The following BAZ2B variants were observed in gnomAD, a reference collection of about 807,000 sequenced individuals.
The protein encoded by BAZ2B is bromodomain adjacent to zinc finger domain 2B.
In BAZ2B, 91 loss-of-function variants were observed where a neutral mutation model predicts 246.0. The observed-to-expected ratio is 0.37, with a 90% confidence interval of 0.31 to 0.44. The LOEUF is 0.44. BAZ2B is among the 20% of genes least tolerant of loss of function. BAZ2B has a pLI of 1.00. For missense variants in BAZ2B, 2,332 were observed against 2,533.7 expected (o/e 0.92, Z 1.71); for synonymous variants, 855 against 860.0 (o/e 0.99, Z 0.10).
At chr2:159,695,652 A>C in the BAZ2B span, among the ~76,000 whole-genome samples, 1 of 152,184 alleles carries the variant, frequency 6.6e-6, no homozygotes, top group African/African-American at 2.4e-5. Context: ...TCCCCCATTG[A>C]ATTACCTTGG....
intron 27 of BAZ2B, among the ~76,000 whole-genome samples, chr2:159,351,800 A>G (rs1026510929): frequency 1.3e-5 from 2 of 152,230 alleles, no homozygotes; most frequent in African/African-American, 2.4e-5. Flanking sequence ...CTATTTTAAA[A>G]ACATAAATCC....
At chr2:159,526,118 C>T (rs150693656) in intron 2 of BAZ2B, among the ~76,000 whole-genome samples, 1 of 151,900 alleles carries the variant, frequency 6.6e-6, no homozygotes, top group East Asian at 1.9e-4. Flanking sequence ...TTTTTTACTT[C>T]CTAGCTGGTT....
At chr2:159,397,195 A>G in intron 19 of BAZ2B, 150 bp downstream of exon 19, 4 of 1,308,282 alleles carry the variant, frequency 3.1e-6, no homozygotes, top group Non-Finnish European at 4.2e-6. Context: ...ATACCAAAGC[A>G]AGGCAATAAA....
At chr2:159,401,139 T>C (rs1304830704) in intron 16 of BAZ2B, among the ~76,000 whole-genome samples, 1 of 152,206 alleles carries the variant, frequency 6.6e-6, no homozygotes, top group Non-Finnish European at 1.5e-5. Context: ...CTGAAATTAA[T>C]ATGATTTGAT....
intron 9 of BAZ2B, among the ~76,000 whole-genome samples, chr2:159,432,066 T>G (rs2071225428): frequency 6.6e-6 from 1 of 152,174 alleles, no homozygotes; most frequent in Non-Finnish European, 1.5e-5. Context: ...TGAGTATATT[T>G]TCCTATTCAT....
intron 1 of BAZ2B, among the ~76,000 whole-genome samples, 176 bp from the exon 2 acceptor site, chr2:159,556,041 A>G (rs778426153): frequency 6.6e-6 from 1 of 152,168 alleles, no homozygotes; most frequent in Non-Finnish European, 1.5e-5. Flanking sequence ...AAAGGACTGG[A>G]GTTTATTTAT....
intron 2 of BAZ2B, among the ~76,000 whole-genome samples, chr2:159,528,469 G>T (rs1169075672): frequency 1.3e-5 from 2 of 152,090 alleles, no homozygotes; most frequent in African/African-American, 2.4e-5. Flanking sequence ...GATCACCTGA[G>T]GTCAAGAGTT....
At chr2:159,677,241 T>A in the BAZ2B span, among the ~76,000 whole-genome samples, 7 of 151,696 alleles carry the variant, frequency 4.6e-5, no homozygotes, top group Non-Finnish European at 1.0e-4. Flanking sequence ...ATTTTAAAGA[T>A]AAGAAAGAGG....
intron 3 of BAZ2B, among the ~76,000 whole-genome samples, chr2:159,466,676 C>T (rs535412856): frequency 6.2e-4 from 94 of 152,192 alleles, no homozygotes; most frequent in South Asian, 1.0e-3. Flanking sequence ...TATAAGGAAT[C>T]GAGATTATGG....
chr2:159,647,929 C>G, the BAZ2B span, among the ~76,000 whole-genome samples: 2 of 152,146 alleles, frequency 1.3e-5, no homozygotes, highest in South Asian at 4.2e-4. Context: ...AGTATGCTGA[C>G]TGAAATTTTT....
intron 27 of BAZ2B, among the ~76,000 whole-genome samples, chr2:159,366,257 A>G (rs2060206671): frequency 6.6e-6 from 1 of 152,204 alleles, no homozygotes; most frequent in South Asian, 2.1e-4. Context: ...TCCACTTCAG[A>G]CCTGCAGTTG....
At chr2:159,582,500 C>T (rs7592942) in intron 1 of BAZ2B, among the ~76,000 whole-genome samples, 134 of 152,102 alleles carry the variant, frequency 8.8e-4, no homozygotes, top group Non-Finnish European at 1.4e-3. Flanking sequence ...GGTTCAAGCT[C>T]AGCCTCCGGA....
At chr2:159,487,340 T>C (rs1169068196) in intron 2 of BAZ2B, among the ~76,000 whole-genome samples, 1 of 152,190 alleles carries the variant, frequency 6.6e-6, no homozygotes, top group Non-Finnish European at 1.5e-5. Flanking sequence ...TGTGATTCTA[T>C]GTGAGATTTT....
intron 1 of BAZ2B, among the ~76,000 whole-genome samples, chr2:159,613,644 G>A (rs1695198986): frequency 6.6e-6 from 1 of 152,112 alleles, no homozygotes; most frequent in Non-Finnish European, 1.5e-5. Flanking sequence ...TACAATAGGT[G>A]TGAGACATCA....
At chr2:159,470,593 G>A (rs2077659688) in intron 3 of BAZ2B, among the ~76,000 whole-genome samples, 1 of 152,242 alleles carries the variant, frequency 6.6e-6, no homozygotes, top group African/African-American at 2.4e-5. Flanking sequence ...CAATGATATA[G>A]ACGAGAGATT....
intron 2 of BAZ2B, among the ~76,000 whole-genome samples, chr2:159,530,725 T>G (rs1375436447): frequency 6.6e-6 from 1 of 152,136 alleles, no homozygotes; most frequent in East Asian, 1.9e-4. Flanking sequence ...ATCCTAGCAC[T>G]TTGGGAGGCC....
intron 34 of BAZ2B, among the ~76,000 whole-genome samples, chr2:159,327,838 G>A (rs936243669): frequency 3.3e-5 from 5 of 152,164 alleles, no homozygotes; most frequent in Non-Finnish European, 7.4e-5. Flanking sequence ...CCCAATGGGG[G>A]CGGATCGCCT....
rs745580165 is a variant in BAZ2B at position 159,398,852 on chromosome 2, A to G, written c.2941T>C (p.Leu981=). The G allele has an allele frequency of 6.2e-7, 1 of 1,611,144 alleles. No individual in the cohort carries two copies. The highest frequency in any genetic ancestry group is 8.5e-7 in the Non-Finnish European group (1 of 1,179,570). The change falls in exon 18 of 37, where the codon TTG becomes CTG. Residue 981 remains leucine, a synonymous_variant. Coordinates refer to ENST00000392783, the MANE Select transcript of BAZ2B (RefSeq NM_013450.4). ...ACCTTTATTCGTTTCTCGGCCTCCA[A>G]TAATTTGGCATTTGCCGCTTCTTCC... The part of the protein sequence containing the change: ...KKEEAANAKL[L]EAEKRIKEKE...
chr2:159,350,653 C>T (rs1283736261), intron 27 of BAZ2B, among the ~76,000 whole-genome samples: 2 of 152,138 alleles, frequency 1.3e-5, no homozygotes, highest in Admixed American at 6.5e-5. Context: ...TCACTGCAAC[C>T]TCTGCCTCCT....
Sources: allele counts gnomAD v4.1 joint callset (sites outside exome capture counted in the v4.1 genomes callset), GRCh38; gene constraint gnomAD v4.1.1; transcripts MANE v1.5; gene names NCBI Gene and HGNC (gene_info 2026-07-23, HGNC 2026-07-21).